PCDHA3: variants seen among roughly 807,000 people sequenced by gnomAD.
The protein encoded by PCDHA3 is protocadherin alpha-3.
PCDHA3 carries 41 observed loss-of-function variants against 62.2 expected under a neutral mutation model. That is an observed-to-expected ratio of 0.66 (90% confidence interval 0.51 to 0.86). The LOEUF is 0.86. Ranked by LOEUF, PCDHA3 falls within the 40% of genes least tolerant of loss-of-function variation. The pLI is 0.00. For missense variants in PCDHA3, 1,304 were observed against 1,241.2 expected, an observed-to-expected ratio of 1.05 and a Z score of -0.76; for synonymous variants, 640 against 555.4, an observed-to-expected ratio of 1.15 and a Z score of -2.14.
chr5:140,888,802 AGTGATCT>A (rs1418023292), intron 1 of PCDHA3, among the ~76,000 whole-genome samples: 2 of 152,088 alleles, frequency 1.3e-5, no homozygotes, highest in African/African-American at 4.8e-5. Flanking sequence ...GAGGTTGATC[AGTGATCT>A]GTGATCTGTG....
chr5:140,854,460 A>G (rs2043130450), intron 1 of PCDHA3: 1 of 150,030 alleles, frequency 6.7e-6, no homozygotes, highest in Non-Finnish European at 1.5e-5. Context: ...GAGGCATTCC[A>G]GAGGAGTAGA....
intron 1 of PCDHA3, chr5:140,843,598 C>T: frequency 6.3e-7 from 1 of 1,595,942 alleles, no homozygotes. Flanking sequence ...AGAGGGTGTG[C>T]TCTGGTGAGG....
rs782414037 is a variant in PCDHA3, at chr5:140,801,209, C to G, written c.12C>G (p.Ser4=). ...GGAAAATACTTGCAATGTTGTTCTC[C>G]TGGCGAGAAGATCCTGGAGCCCAGT... MLF[S]WREDPGAQCL... The change falls in exon 1 of 4, where the codon TCC becomes TCG. Residue 4 remains serine (S), a synonymous_variant. Coordinates refer to ENST00000522353, the MANE Select transcript of PCDHA3 (RefSeq NM_018906.3). 1 of 1,604,234 alleles carries G rather than the reference C, an allele frequency of 6.2e-7. No individual in the cohort carries two copies. Among genetic ancestry groups the G allele is most frequent in the East Asian group, 2.2e-5 (1 of 44,724 alleles).
chr5:140,841,442 C>T (rs2150315627), intron 1 of PCDHA3: 3 of 1,613,000 alleles, frequency 1.9e-6, no homozygotes, highest in Non-Finnish European at 2.5e-6. Context: ...GGAGGCCAAA[C>T]ACGGCACCTT....
chr5:140,954,523 G>A (rs1368260807), intron 1 of PCDHA3, among the ~76,000 whole-genome samples: 4 of 152,186 alleles, frequency 2.6e-5, no homozygotes, highest in African/African-American at 9.6e-5. Flanking sequence ...AATGATCAGT[G>A]ATGTTGAGGT....
chr5:140,883,683 G>A lies in PCDHA3; in HGVS notation c.2394+80092G>A, dbSNP rs1015362604. ...GTGAAGGAAAACAATCCGCCGGGCT[G>A]CCACATCTTCACGGTGTCTGCTCAG... On this transcript the variant is annotated intron_variant, in intron 1 of 3. Transcript: ENST00000522353. 4 of 1,613,808 alleles carry A rather than the reference G, an allele frequency of 2.5e-6. No individual in the cohort carries two copies. Among genetic ancestry groups the A allele is most frequent in the Non-Finnish European group, 3.4e-6 (4 of 1,179,896 alleles).
intron 1 of PCDHA3, chr5:140,927,565 G>A: frequency 6.2e-7 from 1 of 1,614,186 alleles, no homozygotes; most frequent in Non-Finnish European, 8.5e-7. Context: ...CATTGTGGTG[G>A]ACACAAATGA....
At chr5:140,928,529 T>C in intron 1 of PCDHA3, 7 of 1,614,226 alleles carry the variant, frequency 4.3e-6, no homozygotes, top group Non-Finnish European at 4.2e-6. Flanking sequence ...TTGTTTGTGG[T>C]AGATAGGAAT....
rs376026810 is a variant in PCDHA3 at position 140,944,280 on chromosome 5, C to T, written c.2395-34669C>T. 2.0e-4 allele frequency among the ~76,000 whole-genome samples: 31 copies of T among 152,226 alleles called. 1 individual carries two copies. The South Asian group carries it at 2.9e-3, about 14-fold the overall frequency. Reference sequence around the variant, plus strand: ...ACTGCTCACTGCAGCCTTGACACCCCGGGCTCAAGCGATCCTCCTACCTCA... The same window carrying T: ...ACTGCTCACTGCAGCCTTGACACCCTGGGCTCAAGCGATCCTCCTACCTCA... On this transcript the variant is annotated intron_variant, in intron 1 of 3. Coordinates refer to ENST00000522353, the MANE Select transcript of PCDHA3 (RefSeq NM_018906.3).
chr5:140,809,610 GT>G (rs1419017623), intron 1 of PCDHA3: 3 of 1,519,732 alleles, frequency 2.0e-6, no homozygotes, highest in Admixed American at 2.2e-5. Flanking sequence ...TTTTCGTATT[GT>G]TTTTCTCTAT....
At chr5:140,862,045 A>T (rs544547077) in intron 1 of PCDHA3, 1 of 155,812 alleles carries the variant, frequency 6.4e-6, no homozygotes, top group South Asian at 2.0e-4. Context: ...AAACCGTCAC[A>T]TTGTTTCTTT....
chr5:140,877,396 G>T (rs781989521), intron 1 of PCDHA3: 43 of 1,613,834 alleles, frequency 2.7e-5, no homozygotes, highest in South Asian at 1.8e-4. Context: ...TGAGGCGGAC[G>T]CTCCGCGCCA....
chr5:140,846,192 T>C (rs1293745593), intron 1 of PCDHA3, among the ~76,000 whole-genome samples: 1 of 149,496 alleles, frequency 6.7e-6, no homozygotes, highest in Non-Finnish European at 1.5e-5. Flanking sequence ...TTGAGTTCTT[T>C]GTATGTATGA....
chr5:140,805,073 A>G (rs1554123237), intron 1 of PCDHA3: 5 of 1,593,516 alleles, frequency 3.1e-6, no homozygotes, highest in South Asian at 2.2e-5. Context: ...TGGAACTTCA[A>G]TCTTCAAATC....
At chr5:140,998,136 C>T (rs2153950850) in intron 3 of PCDHA3, among the ~76,000 whole-genome samples, 1 of 152,308 alleles carries the variant, frequency 6.6e-6, no homozygotes, top group South Asian at 2.1e-4. Context: ...TAATAGCTAA[C>T]CTGTACTGAA....
rs1012749061 is a variant in PCDHA3 at position 141,011,525 on chromosome 5, C to T, written c.*1588C>T. Reference sequence around the variant, plus strand: ...AAAAGTGGAGTAGTGTTTTTTTAACCATTGTTAATCAGCTTTTGTGTATGA... The same window carrying T: ...AAAAGTGGAGTAGTGTTTTTTTAACTATTGTTAATCAGCTTTTGTGTATGA... On this transcript the variant is annotated 3_prime_UTR_variant, in exon 4 of 4. Coordinates refer to ENST00000522353, the MANE Select transcript of PCDHA3 (RefSeq NM_018906.3). 11 of 153,568 alleles carry T rather than the reference C, an allele frequency of 7.2e-5. No individual in the cohort carries two copies. The Admixed American group carries it at 7.2e-4, about 10-fold the overall frequency. 9.5% of individuals were successfully genotyped at this position (153,568 alleles called of 1,614,324 possible).
chr5:140,862,406 T>C, intron 1 of PCDHA3: 1 of 350,092 alleles, frequency 2.9e-6, no homozygotes, highest in Non-Finnish European at 5.6e-6. Flanking sequence ...GTGTCTACCT[T>C]CAAAAGGCGC....
chr5:140,894,554 G>GAAA (rs1204407145), intron 1 of PCDHA3, among the ~76,000 whole-genome samples: 2 of 151,600 alleles, frequency 1.3e-5, no homozygotes, highest in African/African-American at 4.8e-5. Context: ...GTTTACTTCT[G>GAAA]AAAAAATTAT....
chr5:140,820,237 T>C (rs2150106337), intron 1 of PCDHA3, among the ~76,000 whole-genome samples: 1 of 151,912 alleles, frequency 6.6e-6, no homozygotes, highest in Non-Finnish European at 1.5e-5. Flanking sequence ...ATAATAGAGA[T>C]AGTAAAAATC....
Sources: gnomAD v4.1 joint callset for allele counts (sites outside exome capture counted in the v4.1 genomes callset) on GRCh38, gnomAD v4.1.1 for gene constraint, MANE v1.5 for transcripts, NCBI Gene and HGNC (gene_info 2026-07-23, HGNC 2026-07-21) for gene names.